REV3L: variants seen among roughly 807,000 people sequenced by gnomAD.
REV3L encodes the protein DNA polymerase zeta catalytic subunit.
In REV3L, 69 loss-of-function variants were observed where a neutral mutation model predicts 299.4. That is an observed-to-expected ratio of 0.23 (90% CI 0.19 to 0.28). The LOEUF (loss-of-function observed/expected upper bound fraction) is 0.28, where lower values mean the gene tolerates loss of function less well. Among genes scored for constraint, REV3L ranks in the 10% least tolerant of loss-of-function variants. The pLI, the probability that REV3L is intolerant of heterozygous loss-of-function variation, is 1.00. For missense variants in REV3L, 3,128 were observed against 3,693.8 expected (o/e 0.85, Z 3.97); for synonymous variants, 1,238 against 1,271.4 (o/e 0.97, Z 0.56).
At chr6:111,422,281 A>G (rs989783939) in intron 1 of REV3L, among the ~76,000 whole-genome samples, 8 of 152,082 alleles carry the variant, frequency 5.3e-5, no homozygotes, top group Non-Finnish European at 1.2e-4. Flanking sequence ...TTTTATAAGA[A>G]TACACCACAG....
At chr6:111,476,458 G>C (rs902475913) in intron 1 of REV3L, among the ~76,000 whole-genome samples, 1 of 152,120 alleles carries the variant, frequency 6.6e-6, no homozygotes, top group South Asian at 2.1e-4. Context: ...CATCCAGCCT[G>C]AAACGAAGTT....
Position 111,365,407 on chromosome 6 carries a change from A to T in REV3L, c.6674-63T>A. ...AATTACCTGCTTCTGGTTTTTAAAA[A>T]ACCTTTTGTTGTTCCAAACACTTAA... is the stretch of plus-strand genomic sequence containing the variant. On this transcript the variant is annotated intron_variant, in intron 14 of 31. Transcript: ENST00000368802. 3.2e-6 allele frequency: 3 copies of T among 944,214 alleles called. 1 individual carries two copies. The South Asian group carries it at 5.2e-5, about 16-fold the overall frequency. 58.5% of individuals were successfully genotyped at this position (944,214 alleles called of 1,614,324 possible). A position where few individuals can be genotyped will look rare whatever the true frequency, so the allele number is the denominator to read the frequency against.
intron 1 of REV3L, among the ~76,000 whole-genome samples, chr6:111,427,513 A>G (rs751608968): frequency 9.2e-5 from 14 of 152,216 alleles, no homozygotes; most frequent in Non-Finnish European, 1.8e-4. Context: ...CACGATCATG[A>G]GCAATATCCC....
At chr6:111,415,248 A>T (rs2128283560) in intron 2 of REV3L, among the ~76,000 whole-genome samples, 1 of 152,312 alleles carries the variant, frequency 6.6e-6, no homozygotes, top group South Asian at 2.1e-4. Context: ...CCAGTCCTCC[A>T]AGAAGTAAAT....
intron 28 of REV3L, 73 bp from the exon 29 acceptor site, chr6:111,311,332 C>A (rs761731356): frequency 5.2e-5 from 60 of 1,158,710 alleles, no homozygotes; most frequent in Non-Finnish European, 7.1e-5. Flanking sequence ...ATTACACTTT[C>A]AATTATGTAA....
At chr6:111,358,405 T>C (rs1480399393) in intron 17 of REV3L, among the ~76,000 whole-genome samples, 1 of 152,074 alleles carries the variant, frequency 6.6e-6, no homozygotes, top group Non-Finnish European at 1.5e-5. Context: ...GAACAAATTA[T>C]ATAAGATAAT....
intron 1 of REV3L, among the ~76,000 whole-genome samples, chr6:111,474,309 G>A (rs1262641030): frequency 2.0e-5 from 3 of 152,156 alleles, no homozygotes; most frequent in Admixed American, 6.5e-5. Context: ...CAGATAGTCA[G>A]GCCTGGAGCT....
At chr6:111,392,739 GGTTT>G (rs1782066226) in intron 5 of REV3L, 133 bp downstream of exon 5, 8 of 540,836 alleles carry the variant, frequency 1.5e-5, no homozygotes, top group Non-Finnish European at 2.6e-5. Context: ...CTAATGTCAA[GGTTT>G]GTTTCTGTTA....
Position 111,367,281 on chromosome 6 carries a change from T to C in REV3L, c.6507A>G (p.Gln2169=). Reference sequence around the variant, plus strand: ...CTTGAGGCTCACTGCAGGGGCTTTTTTGTATACCATCTTTTATTGGCTTTA... The same window carrying C: ...CTTGAGGCTCACTGCAGGGGCTTTTCTGTATACCATCTTTTATTGGCTTTA... ...NFLKPIKDGI[Q]KSPCSEPQEP... is the part of the protein sequence containing the mutation. Residue 2169 remains glutamine, a synonymous_variant, in exon 14 of 32, where the codon CAA becomes CAG. Transcript: ENST00000368802. 1 of 1,612,154 alleles carries C rather than the reference T, an allele frequency of 6.2e-7. No individual in the cohort carries two copies. Among genetic ancestry groups the C allele is most frequent in the Non-Finnish European group, 8.5e-7 (1 of 1,179,536 alleles).
chr6:111,447,752 T>C (rs1221471715), intron 1 of REV3L, among the ~76,000 whole-genome samples: 1 of 152,206 alleles, frequency 6.6e-6, no homozygotes, highest in African/African-American at 2.4e-5. Flanking sequence ...GCTCACAGAC[T>C]ATAGTTGGTC....
intron 4 of REV3L, among the ~76,000 whole-genome samples, chr6:111,393,935 G>T (rs986681912): frequency 2.0e-5 from 3 of 152,080 alleles, no homozygotes; most frequent in Non-Finnish European, 2.9e-5. Context: ...TTCTATCCAT[G>T]TGGCTGCAAA....
chr6:111,325,545 T>C (rs1774688639), intron 25 of REV3L, among the ~76,000 whole-genome samples: 1 of 152,244 alleles, frequency 6.6e-6, no homozygotes, highest in Admixed American at 6.5e-5. Flanking sequence ...TTCTCTATGA[T>C]AGTCCAGATC....
intron 2 of REV3L, among the ~76,000 whole-genome samples, chr6:111,414,477 T>C (rs1784561762): frequency 1.3e-5 from 2 of 152,176 alleles, no homozygotes; most frequent in Non-Finnish European, 1.5e-5. Context: ...ATTAACAATA[T>C]GAAGCCACTC....
At chr6:111,351,813 G>C in intron 18 of REV3L, 22 bp from the exon 19 acceptor site, 1 of 1,453,294 alleles carries the variant, frequency 6.9e-7, no homozygotes, top group Admixed American at 1.7e-5. Flanking sequence ...ATTTAAAAAA[G>C]TTATATAAGT....
In REV3L at chr6:111,374,042, T is replaced by C; in HGVS notation, c.4313A>G (p.His1438Arg). 6.2e-7 allele frequency: 1 copy of C among 1,614,202 alleles called. No homozygotes were observed. Reference sequence around the variant, plus strand: ...ATTTCCCGGAGAACAAGTTTCACTGTGCTTTGACTGTTCCGCTATGCACAC... The same window carrying C: ...ATTTCCCGGAGAACAAGTTTCACTGCGCTTTGACTGTTCCGCTATGCACAC... ...QIVCIAEQSKHSETCSPGNTA... is the reference protein window; with the variant it reads ...QIVCIAEQSKRSETCSPGNTA... The change falls in exon 13 of 32, where the codon CAC becomes CGC. Residue 1438 changes from histidine (H) to arginine (R), a missense_variant. His to Arg is a conservative substitution (Grantham distance 29, BLOSUM62 0). Around this residue, in one of 9 missense-constraint regions of REV3L, gnomAD observed 2,409 missense variants for 2,611.8 expected, o/e 0.92. Transcript: ENST00000368802.
Position 111,422,690 on chromosome 6 carries a change from A to G in REV3L, c.140-6218T>C, listed in dbSNP as rs1443209037. Among the ~76,000 whole-genome samples, 9 of 127,740 alleles carry G rather than the reference A, an allele frequency of 7.0e-5. 1 individual carries two copies. The highest frequency in any genetic ancestry group is 5.1e-5 in the Non-Finnish European group (3 of 58,466). 83.8% of individuals were successfully genotyped at this position (127,740 alleles called of 152,430 possible). Reference sequence around the variant, plus strand: ...TATATATATATATACGTATATATATATATATATATATTTCCCCCCACTAAA... The same window carrying G: ...TATATATATATATACGTATATATATGTATATATATATTTCCCCCCACTAAA... On this transcript the variant is annotated intron_variant, in intron 1 of 31. Transcript: ENST00000368802.
Position 111,358,745 on chromosome 6 carries a change from T to G in REV3L, c.7072+77A>C. On this transcript the variant is annotated intron_variant, in intron 17 of 31. Transcript: ENST00000368802. The stretch of plus-strand genomic sequence containing the variant: ...AGTCATCATGCTTGCTTAGATTAGA[T>G]CTTCAGCACAGGAATTCCCCATTAA... 3.5e-6 allele frequency: 4 copies of G among 1,132,562 alleles called. No homozygotes were observed. The South Asian group carries it at 6.7e-5, about 19-fold the overall frequency. 70.2% of individuals were successfully genotyped at this position (1,132,562 alleles called of 1,614,324 possible). A position where few individuals can be genotyped will look rare whatever the true frequency, so the allele number is the denominator to read the frequency against.
intron 21 of REV3L, among the ~76,000 whole-genome samples, chr6:111,339,937 ACT>A (rs1289610999): frequency 6.6e-6 from 1 of 152,158 alleles, no homozygotes; most frequent in Admixed American, 6.5e-5. Flanking sequence ...GCTTTGTCAA[ACT>A]TAACGGTAAT....
chr6:111,398,008 C>A (rs1373317851), intron 4 of REV3L, among the ~76,000 whole-genome samples: 1 of 145,174 alleles, frequency 6.9e-6, no homozygotes, highest in Non-Finnish European at 1.5e-5. Context: ...GTGTTGAAGT[C>A]CCCAGCTATC....
Sources: gnomAD v4.1 joint callset for allele counts (sites outside exome capture counted in the v4.1 genomes callset) on GRCh38, gnomAD v4.1.1 for gene constraint, gnomAD v4.1.1 regional missense constraint, MANE v1.5 for transcripts, NCBI Gene and HGNC (gene_info 2026-07-23, HGNC 2026-07-21) for gene names.